Variants in TSPAN9 observed in about 807,000 individuals in gnomAD.
TSPAN9 encodes tetraspanin-9.
In TSPAN9, 16 loss-of-function variants were observed where a neutral mutation model predicts 31.0. The ratio of observed to expected loss-of-function variants is 0.52; its 90% CI spans 0.35 to 0.78. The LOEUF is 0.78. Ranked by LOEUF, TSPAN9 falls within the 30% of genes least tolerant of loss-of-function variation. The pLI, the probability that TSPAN9 is intolerant of heterozygous loss-of-function variation, is 0.01. For missense variants in TSPAN9, 272 were observed against 312.5 expected (o/e 0.87, Z 0.98); for synonymous variants, 145 against 121.6 (o/e 1.19, Z -1.27).
chr12:3,139,656 C>T (rs1351927627), intron 2 of TSPAN9, among the ~76,000 whole-genome samples: 1 of 152,200 alleles, frequency 6.6e-6, no homozygotes, highest in Non-Finnish European at 1.5e-5. Context: ...AGTCGTTCTC[C>T]CACCTCAGCC....
At chr12:3,207,986 T>C (rs926611956) in intron 3 of TSPAN9, among the ~76,000 whole-genome samples, 4 of 152,254 alleles carry the variant, frequency 2.6e-5, no homozygotes, top group Admixed American at 6.5e-5. Flanking sequence ...TCTGGTTTCC[T>C]CACCTTGGAC....
chr12:3,109,166 GACCTCGT>G (rs2098316570), intron 2 of TSPAN9, among the ~76,000 whole-genome samples: 1 of 151,718 alleles, frequency 6.6e-6, no homozygotes, highest in South Asian at 2.1e-4. Context: ...TCGATCTCCT[GACCTCGT>G]GATCCGCCCG....
At chr12:3,153,908 G>C (rs1018010210) in intron 2 of TSPAN9, among the ~76,000 whole-genome samples, 1 of 150,560 alleles carries the variant, frequency 6.6e-6, no homozygotes, top group South Asian at 2.1e-4. Flanking sequence ...CTGTCTAGCT[G>C]TCTGTTCCCC....
At chr12:3,130,461 G>T (rs766699733) in intron 2 of TSPAN9, among the ~76,000 whole-genome samples, 5 of 152,188 alleles carry the variant, frequency 3.3e-5, no homozygotes, top group African/African-American at 7.2e-5. Context: ...CTCTGGAAAG[G>T]CATCTCCAGG....
At chr12:3,227,344 G>A (rs1235557620) in intron 3 of TSPAN9, among the ~76,000 whole-genome samples, 1 of 152,202 alleles carries the variant, frequency 6.6e-6, no homozygotes, top group African/African-American at 2.4e-5. Flanking sequence ...GCCCTGCTGG[G>A]GGCAGGCTTT....
chr12:3,206,026 T>C (rs1305791122), intron 3 of TSPAN9, among the ~76,000 whole-genome samples: 1 of 152,082 alleles, frequency 6.6e-6, no homozygotes, highest in East Asian at 1.9e-4. Flanking sequence ...GAAGAGAAAG[T>C]CCCAGTTGAA....
intron 3 of TSPAN9, among the ~76,000 whole-genome samples, chr12:3,230,644 C>T (rs895397584): frequency 6.6e-6 from 1 of 152,056 alleles, no homozygotes; most frequent in African/African-American, 2.4e-5. Flanking sequence ...CCCTGGAGAC[C>T]CTGCCTCATA....
chr12:3,134,835 G>T (rs2098331351), intron 2 of TSPAN9, among the ~76,000 whole-genome samples: 1 of 152,194 alleles, frequency 6.6e-6, no homozygotes, highest in Non-Finnish European at 1.5e-5. Context: ...ACAGTCCAGG[G>T]TGGATGAGGG....
intron 2 of TSPAN9, among the ~76,000 whole-genome samples, chr12:3,115,826 A>C (rs1057291837): frequency 8.5e-5 from 13 of 152,348 alleles, no homozygotes; most frequent in Middle Eastern, 3.4e-3. Flanking sequence ...GCACTGGGTC[A>C]TACGATAACT....
intron 2 of TSPAN9, among the ~76,000 whole-genome samples, chr12:3,127,226 C>A (rs1303975653): frequency 6.6e-6 from 1 of 152,074 alleles, no homozygotes; most frequent in Admixed American, 6.5e-5. Flanking sequence ...CATAGTGAGA[C>A]CTCTACATCT....
chr12:3,170,893 C>T lies in TSPAN9; in HGVS notation c.-17-30284C>T, dbSNP rs1237606076. On this transcript the variant is annotated intron_variant, in intron 2 of 8. Coordinates refer to ENST00000011898, the MANE Select transcript of TSPAN9 (RefSeq NM_006675.5). The surrounding 1 kb of genome is among the most constrained non-coding windows in gnomAD (Gnocchi z 4.4). Reference sequence around the variant, plus strand: ...GTTTCTAAAGTTCTTTGACTCATTTCTTAAGCATTGCATCTGCGTCTCCAC... The same window carrying T: ...GTTTCTAAAGTTCTTTGACTCATTTTTTAAGCATTGCATCTGCGTCTCCAC... Among the ~76,000 whole-genome samples, 12 of 152,186 alleles carry T rather than the reference C, an allele frequency of 7.9e-5. No homozygotes were observed. The highest frequency in any genetic ancestry group is 1.3e-4 in the Non-Finnish European group (9 of 68,038).
Position 3,280,536 on chromosome 12 carries a change from G to C in TSPAN9, c.432+53G>C. 6.5e-7 allele frequency: 1 copy of C among 1,526,910 alleles called. No individual in the cohort carries two copies. Among genetic ancestry groups the C allele is most frequent in the Non-Finnish European group, 8.9e-7 (1 of 1,119,448 alleles). The allele number at this position is 1,526,910 out of a possible 1,614,324, so 94.6% of individuals were successfully genotyped here. A position where few individuals can be genotyped will look rare whatever the true frequency, so the allele number is the denominator to read the frequency against. ...CAGGCAGGGAGGAGGGGTGGCGGCC[G>C]GTACTTCTAGCTGCCTTCCCCGGTG... is the stretch of plus-strand genomic sequence containing the variant. On this transcript the variant is annotated intron_variant, in intron 6 of 8. Transcript: ENST00000011898. The surrounding 1 kb of genome is among the most constrained non-coding windows in gnomAD (Gnocchi z 4.5).
chr12:3,243,094 A>T (rs1179983308), intron 3 of TSPAN9, among the ~76,000 whole-genome samples: 2 of 152,174 alleles, frequency 1.3e-5, no homozygotes, highest in Non-Finnish European at 2.9e-5. Context: ...CCATCAATGG[A>T]CCTTAAAATC....
chr12:3,200,305 G>C (rs370654436), intron 2 of TSPAN9: 3 of 152,246 alleles, frequency 2.0e-5, no homozygotes, highest in East Asian at 1.9e-4. Flanking sequence ...GGCCCGGGGA[G>C]GGGGCTCCAG....
intron 2 of TSPAN9, among the ~76,000 whole-genome samples, chr12:3,169,899 G>A (rs1164986814): frequency 6.6e-6 from 1 of 152,068 alleles, no homozygotes; most frequent in Non-Finnish European, 1.5e-5. Context: ...CTCCCTGAGT[G>A]GGACTCAAGC....
At chr12:3,120,166 T>A (rs1425695527) in intron 2 of TSPAN9, among the ~76,000 whole-genome samples, 1 of 152,214 alleles carries the variant, frequency 6.6e-6, no homozygotes, top group East Asian at 1.9e-4. Flanking sequence ...CTTTAATGTA[T>A]GCTTTGGAAT....
intron 3 of TSPAN9, among the ~76,000 whole-genome samples, chr12:3,270,803 C>T (rs113927606): frequency 0.014 from 2,119 of 152,334 alleles, 55 homozygotes; most frequent in African/African-American, 0.049. Context: ...ATATACACTT[C>T]GGGATTTTAG....
intron 3 of TSPAN9, among the ~76,000 whole-genome samples, chr12:3,257,197 C>T (rs893573582): frequency 2.0e-5 from 3 of 151,784 alleles, no homozygotes; most frequent in Admixed American, 6.6e-5. Flanking sequence ...CATGACATCT[C>T]GCCAGTTCTG....
intron 2 of TSPAN9, among the ~76,000 whole-genome samples, chr12:3,146,590 A>C (rs1346888308): frequency 6.6e-6 from 1 of 152,304 alleles, no homozygotes; most frequent in South Asian, 2.1e-4. Context: ...ACTTGGAATA[A>C]GTTTAAATGC....
Sources: gnomAD v4.1 joint callset for allele counts (sites outside exome capture counted in the v4.1 genomes callset) on GRCh38, gnomAD v4.1.1 for gene constraint, Gnocchi (gnomAD v3.1) non-coding constraint, MANE v1.5 for transcripts, NCBI Gene and HGNC (gene_info 2026-07-23, HGNC 2026-07-21) for gene names.